ADGRL1: variants seen among roughly 807,000 people sequenced by gnomAD.
The protein encoded by ADGRL1 is adhesion G protein-coupled receptor L1.
A neutral mutation model predicts 148.9 loss-of-function variants in ADGRL1; 31 were observed. That is an observed-to-expected ratio of 0.21 (90% CI 0.16 to 0.28). The LOEUF (loss-of-function observed/expected upper bound fraction) is 0.28. ADGRL1 is among the 10% of genes least tolerant of loss of function. The pLI is 1.00. For synonymous variants in ADGRL1, 937 were observed against 900.3 expected (o/e 1.04, Z -0.73); for missense variants, 1,521 against 2,058.8 (o/e 0.74, Z 5.05).
chr19:14,155,397 C>T lies in ADGRL1; in HGVS notation c.3256G>A (p.Val1086Ile), dbSNP rs555125650. The T allele has an allele frequency of 7.4e-6, 12 of 1,614,086 alleles. No homozygotes were observed. Among genetic ancestry groups the T allele is most frequent in the South Asian group, 1.1e-5 (1 of 91,080 alleles). Residue 1086 changes from valine (V) to isoleucine (I), a missense_variant, in exon 18 of 23, where the codon GTC (valine) becomes ATC (isoleucine). Coordinates refer to ENST00000361434, the MANE Select transcript of ADGRL1 (RefSeq NM_014921.5). This position sits in a 1 kb window ranked among gnomAD's most constrained non-coding sequence, Gnocchi z 5.0. Reference sequence around the variant, plus strand: ...GCGCAGTGAAAGACGAAGATGAAGACCCCCTGGAAGGCGTTGAAGGTGGTG... The same window carrying T: ...GCGCAGTGAAAGACGAAGATGAAGATCCCCTGGAAGGCGTTGAAGGTGGTG... ...LFTTFNAFQG[V>I]FIFVFHCALQ...
Position 14,151,068 on chromosome 19 carries a change from G to A in ADGRL1, c.4215C>T (p.Pro1405=), listed in dbSNP as rs1968125403. 3 of 1,494,248 alleles carry A rather than the reference G, an allele frequency of 2.0e-6. No individual in the cohort carries two copies. Among genetic ancestry groups the A allele is most frequent in the African/African-American group, 2.8e-5 (2 of 71,768 alleles). The allele number at this position is 1,494,248 out of a possible 1,614,324, so 92.6% of individuals were successfully genotyped here. A position where few individuals can be genotyped will look rare whatever the true frequency, so the allele number is the denominator to read the frequency against. The change falls in exon 23 of 23, where the codon CCC becomes CCT. Residue 1405 remains proline (P), a synonymous_variant. Coordinates refer to ENST00000361434, the MANE Select transcript of ADGRL1 (RefSeq NM_014921.5). ...SSPEGPSEAL[P]PPPPAPPGPP... ...GGCCGGGGGGTGCGGGAGGGGGTGGGGGCAGGGCCTCACTGGGCCCCTCAG... is the reference window on the plus strand; with the variant it reads ...GGCCGGGGGGTGCGGGAGGGGGTGGAGGCAGGGCCTCACTGGGCCCCTCAG...
In ADGRL1 at chr19:14,159,054, TGCTTCCCCACCCGAGGCCCC is replaced by T. The variant is rs1361773197; in HGVS notation, c.2149+16_2149+35del. 1 of 1,607,628 alleles carries T rather than the reference TGCTTCCCCACCCGAGGCCCC, an allele frequency of 6.2e-7. No individual in the cohort carries two copies. The highest frequency in any genetic ancestry group is 1.7e-5 in the Admixed American group (1 of 59,976). ...CAGAGCTGGGGGGTGGGGGTGGGGC[TGCTTCCCCACCCGAGGCCCC>T]GCCGGGGACACTGACCATTGCGGCT... On this transcript the variant is annotated intron_variant, in intron 11 of 22. Transcript: ENST00000361434. This position sits in a 1 kb window ranked among gnomAD's most constrained non-coding sequence, Gnocchi z 6.0.
At position 14,157,623 on chromosome 19, in the gene ADGRL1, C is replaced by T. The variant is rs1379441757; in HGVS notation, c.2536-163G>A. On this transcript the variant is annotated intron_variant, in intron 13 of 22. Coordinates refer to ENST00000361434, the MANE Select transcript of ADGRL1 (RefSeq NM_014921.5). The surrounding 1 kb of genome is among the most constrained non-coding windows in gnomAD (Gnocchi z 7.5). ...ACCCCTCTGCACGCAGCAATGCGCTCACTTCCTCATGCTCTGGAAGGCTTG... is the reference window on the plus strand; with the variant it reads ...ACCCCTCTGCACGCAGCAATGCGCTTACTTCCTCATGCTCTGGAAGGCTTG... 6.6e-6 allele frequency among the ~76,000 whole-genome samples: 1 copy of T among 152,260 alleles called. No individual in the cohort carries two copies. The highest frequency in any genetic ancestry group is 1.5e-5 in the Non-Finnish European group (1 of 68,050).
At position 14,167,086 on chromosome 19, in the gene ADGRL1, GA is replaced by G. The variant is rs978428054; in HGVS notation, c.394+3595del. Reference sequence around the variant, plus strand: ...ACAAATTGAAAAAAAAAATGTGCAAGAAAAAAAGAGAAAAAAAAAGAGATTA... The same window carrying G: ...ACAAATTGAAAAAAAAAATGTGCAAGAAAAAAGAGAAAAAAAAAGAGATTA... On this transcript the variant is annotated intron_variant, in intron 4 of 22. Transcript: ENST00000361434. 1.2e-4 allele frequency: 169 copies of G among 1,378,452 alleles called. No homozygotes were observed. In the Middle Eastern group the frequency reaches 3.6e-3, roughly 30 times the overall value. The allele number at this position is 1,378,452 out of a possible 1,614,324, so 85.4% of individuals were successfully genotyped here. A position where few individuals can be genotyped will look rare whatever the true frequency, so the allele number is the denominator to read the frequency against.
At chr19:14,198,084 G>A (rs1458776757) in intron 1 of ADGRL1, among the ~76,000 whole-genome samples, 2 of 152,224 alleles carry the variant, frequency 1.3e-5, no homozygotes, top group African/African-American at 2.4e-5. Context: ...GAAACAGCAC[G>A]TGCAAAGGTC....
chr19:14,194,710 C>A (rs1012782347), intron 1 of ADGRL1, among the ~76,000 whole-genome samples: 1 of 152,020 alleles, frequency 6.6e-6, no homozygotes, highest in Admixed American at 6.6e-5. Flanking sequence ...AGCCCCCACC[C>A]CCGGGCCCAC....
Position 14,160,527 on chromosome 19 carries a change from C to G in ADGRL1, c.1614+66G>C. The G allele has an allele frequency of 8.1e-7, 1 of 1,228,198 alleles. No homozygotes were observed. The highest frequency in any genetic ancestry group is 1.1e-6 in the Non-Finnish European group (1 of 883,422). 76.1% of individuals were successfully genotyped at this position (1,228,198 alleles called of 1,614,324 possible). On this transcript the variant is annotated intron_variant, in intron 7 of 22. Coordinates refer to ENST00000361434, the MANE Select transcript of ADGRL1 (RefSeq NM_014921.5). This position sits in a 1 kb window ranked among gnomAD's most constrained non-coding sequence, Gnocchi z 5.9. ...CATGTCTCCCCAGCTGCTCCACGACCCCCGCTGGGCCCTGGGCCCTGGGCC... is the reference window on the plus strand; with the variant it reads ...CATGTCTCCCCAGCTGCTCCACGACGCCCGCTGGGCCCTGGGCCCTGGGCC...
Position 14,163,153 on chromosome 19 carries a change from A to C in ADGRL1, c.648T>G (p.Gly216=). 6.2e-7 allele frequency: 1 copy of C among 1,613,790 alleles called. No individual in the cohort carries two copies. Among genetic ancestry groups the C allele is most frequent in the Non-Finnish European group, 8.5e-7 (1 of 1,179,982 alleles). ...VDGTGFVVYD[G]AVFYNKERTR... ...TGCGCTCCTTGTTGTAGAAGACGGC[A>C]CCATCGTAGACCACAAAGCCTGTGC... The change falls in exon 5 of 23, where the codon GGT becomes GGG. Residue 216 remains glycine, a synonymous_variant. Transcript: ENST00000361434.
rs1183911500 is a variant in ADGRL1 at position 14,163,417 on chromosome 19, T to C, written c.395-11A>G. 6.9e-7 allele frequency: 1 copy of C among 1,451,278 alleles called. No homozygotes were observed. The highest frequency in any genetic ancestry group is 9.1e-7 in the Non-Finnish European group (1 of 1,100,906). The allele number at this position is 1,451,278 out of a possible 1,614,324, so 89.9% of individuals were successfully genotyped here. ...CTGGGCACACGAAGACTGGGCAGAGTGGGCGGGAGGGGAGGAGGTAGGAGA... is the reference window on the plus strand; with the variant it reads ...CTGGGCACACGAAGACTGGGCAGAGCGGGCGGGAGGGGAGGAGGTAGGAGA... On this transcript the variant is annotated splice_polypyrimidine_tract_variant and intron_variant, in intron 4 of 22. Transcript: ENST00000361434.
chr19:14,191,395 C>T (rs1450733515), intron 1 of ADGRL1: 1 of 456,600 alleles, frequency 2.2e-6, no homozygotes, highest in Non-Finnish European at 4.4e-6. Flanking sequence ...GGCAGCTGTG[C>T]AACAGGACAA....
intron 1 of ADGRL1, among the ~76,000 whole-genome samples, chr19:14,198,918 G>A (rs562266210): frequency 6.6e-6 from 1 of 152,298 alleles, no homozygotes; most frequent in Non-Finnish European, 1.5e-5. Context: ...ACTCCAAAGT[G>A]TTCACTGTCC....
intron 1 of ADGRL1, among the ~76,000 whole-genome samples, chr19:14,185,454 C>T (rs1263706934): frequency 1.3e-5 from 2 of 152,160 alleles, no homozygotes; most frequent in African/African-American, 4.8e-5. Flanking sequence ...CCACCACGCC[C>T]AGCTAATTTT....
chr19:14,180,844 G>A (rs925274718), intron 2 of ADGRL1, among the ~76,000 whole-genome samples: 1 of 152,148 alleles, frequency 6.6e-6, no homozygotes, highest in Non-Finnish European at 1.5e-5. Flanking sequence ...GTGAGCCAGT[G>A]CACCTGGCCC....
rs1339792870 is a variant in ADGRL1, at chr19:14,162,893, G to A, written c.908C>T (p.Thr303Met). Residue 303 changes from threonine (T) to methionine (M), a missense_variant, in exon 5 of 23, where the codon ACG becomes ATG. Thr to Met is a moderately conservative substitution (Grantham distance 81). Transcript: ENST00000361434. This position sits in a 1 kb window ranked among gnomAD's most constrained non-coding sequence, Gnocchi z 5.4. ...YTLRFEGTWE[T>M]GYDKRSASNA... The stretch of plus-strand genomic sequence containing the variant: ...GGATGCCGAGCGCTTGTCGTAACCC[G>A]TCTCCCACGTGCCCTCAAAGCGCAG... 5 of 1,613,726 alleles carry A rather than the reference G, an allele frequency of 3.1e-6. No individual in the cohort carries two copies. In the South Asian group the frequency reaches 3.3e-5, roughly 11 times the overall value.
intron 18 of ADGRL1, among the ~76,000 whole-genome samples, chr19:14,153,333 T>C (rs1308864840): frequency 2.6e-5 from 4 of 151,914 alleles, no homozygotes; most frequent in African/African-American, 4.8e-5. Context: ...ATGCAAGCTG[T>C]TGGATGCTGT....
chr19:14,182,576 C>CG (rs961032230), intron 2 of ADGRL1, among the ~76,000 whole-genome samples: 3 of 152,120 alleles, frequency 2.0e-5, no homozygotes, highest in Admixed American at 2.0e-4. Flanking sequence ...TGAGTCCCAG[C>CG]GGGGGGAACA....
chr19:14,200,906 C>CT (rs1251985020), intron 1 of ADGRL1, among the ~76,000 whole-genome samples: 1 of 152,236 alleles, frequency 6.6e-6, no homozygotes, highest in Non-Finnish European at 1.5e-5. Flanking sequence ...GCGTGGGCCA[C>CT]TTTTTCCCAC....
chr19:14,203,758 C>CGAGG (rs1972773138), intron 1 of ADGRL1, among the ~76,000 whole-genome samples: 1 of 152,340 alleles, frequency 6.6e-6, no homozygotes, highest in African/African-American at 2.4e-5. Flanking sequence ...TCCCCATCCT[C>CGAGG]CCCAAGCCTG....
chr19:14,205,744 C>G (rs1225979134), intron 1 of ADGRL1, among the ~76,000 whole-genome samples: 2 of 151,398 alleles, frequency 1.3e-5, no homozygotes, highest in African/African-American at 4.8e-5. Context: ...CACCCCCGCG[C>G]CCCGGGCGCT....
Sources: gnomAD v4.1 joint callset for allele counts (sites outside exome capture counted in the v4.1 genomes callset) on GRCh38, gnomAD v4.1.1 for gene constraint, Gnocchi (gnomAD v3.1) non-coding constraint, MANE v1.5 for transcripts, NCBI Gene and HGNC (gene_info 2026-07-23, HGNC 2026-07-21) for gene names.